Variants in PAK5 observed in about 807,000 individuals in gnomAD.
PAK5 encodes p21 (RAC1) activated kinase 5.
In PAK5, 16 loss-of-function variants were observed where a neutral mutation model predicts 65.9. The observed-to-expected ratio is 0.24, with a 90% confidence interval of 0.16 to 0.37. The LOEUF is 0.37. Ranked by LOEUF, PAK5 falls within the 10% of genes least tolerant of loss-of-function variation. The pLI, the probability that PAK5 is intolerant of heterozygous loss-of-function variation, is 1.00. For synonymous variants in PAK5, 371 were observed against 354.9 expected (o/e 1.05, Z -0.51); for missense variants, 785 against 903.9 (o/e 0.87, Z 1.69).
At chr20:9,677,849 T>A (rs78885012) in intron 2 of PAK5, among the ~76,000 whole-genome samples, 1 of 152,226 alleles carries the variant, frequency 6.6e-6, no homozygotes, top group Non-Finnish European at 1.5e-5. Context: ...TTTATGCTCA[T>A]CACCACTTAA....
intron 1 of PAK5, among the ~76,000 whole-genome samples, chr20:9,765,973 C>T (rs1043753381): frequency 6.6e-6 from 1 of 152,086 alleles, no homozygotes; most frequent in Non-Finnish European, 1.5e-5. Flanking sequence ...CCTGTAATCC[C>T]AGCACTTTGG....
At chr20:9,611,952 CT>C (rs2046568892) in intron 3 of PAK5, among the ~76,000 whole-genome samples, 1 of 152,268 alleles carries the variant, frequency 6.6e-6, no homozygotes, top group Non-Finnish European at 1.5e-5. Flanking sequence ...TCCATAAATT[CT>C]TTGTGCAGGA....
intron 3 of PAK5, among the ~76,000 whole-genome samples, chr20:9,595,897 G>T (rs2046255065): frequency 2.0e-5 from 3 of 150,574 alleles, no homozygotes. Flanking sequence ...ACTCCCCAGA[G>T]GCTTGAAAAA....
chr20:9,772,523 G>C (rs1331484288), intron 1 of PAK5, among the ~76,000 whole-genome samples: 1 of 152,190 alleles, frequency 6.6e-6, no homozygotes, highest in African/African-American at 2.4e-5. Flanking sequence ...AAACGCCCCA[G>C]TCTCCTTGTG....
At chr20:9,663,193 G>A (rs894804866) in intron 2 of PAK5, among the ~76,000 whole-genome samples, 1 of 152,142 alleles carries the variant, frequency 6.6e-6, no homozygotes, top group Non-Finnish European at 1.5e-5. Context: ...AAAATCTGAT[G>A]TGGTTTGGGG....
chr20:9,604,338 G>GT (rs1312657899), intron 3 of PAK5, among the ~76,000 whole-genome samples: 1 of 152,216 alleles, frequency 6.6e-6, no homozygotes, highest in Non-Finnish European at 1.5e-5. Flanking sequence ...AGCAATTGCG[G>GT]TTTTCCTGCC....
intron 1 of PAK5, among the ~76,000 whole-genome samples, chr20:9,755,482 C>G (rs566482365): frequency 6.6e-6 from 1 of 152,258 alleles, no homozygotes; most frequent in Non-Finnish European, 1.5e-5. Context: ...CAGTCTTTGA[C>G]CTGCCCTGCT....
chr20:9,659,929 T>A (rs2047321578), intron 2 of PAK5, among the ~76,000 whole-genome samples: 1 of 152,162 alleles, frequency 6.6e-6, no homozygotes, highest in Admixed American at 6.5e-5. Context: ...TCTCTTCATA[T>A]TTGCTTCTCT....
At position 9,739,561 on chromosome 20, in the gene PAK5, A is replaced by G. The variant is rs73895974; in HGVS notation, c.-161-28126T>C. ...GACAGTGCCATTTTTAATTTATGCT[A>G]TACTTTCTTTTGATTTTTAAATAGT... On this transcript the variant is annotated intron_variant, in intron 1 of 9. Coordinates refer to ENST00000353224, the MANE Select transcript of PAK5 (RefSeq NM_177990.4). Among the ~76,000 whole-genome samples, 833 of 152,214 alleles carry G rather than the reference A, an allele frequency of 5.5e-3. 15 individuals carry two copies. Among genetic ancestry groups the G allele is most frequent in the African/African-American group, 0.019 (792 of 41,572 alleles).
intron 1 of PAK5, among the ~76,000 whole-genome samples, chr20:9,789,482 CCATTAAGCCATTCTTTTCTAATTTTT>C (rs1401510798): frequency 6.6e-6 from 1 of 152,124 alleles, no homozygotes; most frequent in East Asian, 1.9e-4. Flanking sequence ...AAAAAAGTTT[CCATTAAGCCATTCTTTTCTAATTTTT>C]CTAAAAACAT....
At chr20:9,714,582 T>G (rs1255622968) in intron 1 of PAK5, among the ~76,000 whole-genome samples, 1 of 152,158 alleles carries the variant, frequency 6.6e-6, no homozygotes, top group African/African-American at 2.4e-5. Flanking sequence ...TATTTTAAAA[T>G]GGTTACCCTT....
intron 1 of PAK5, among the ~76,000 whole-genome samples, chr20:9,755,930 C>G (rs1038522706): frequency 1.3e-5 from 2 of 152,158 alleles, no homozygotes; most frequent in Non-Finnish European, 1.5e-5. Context: ...CTTCATGGCT[C>G]TTATATATGG....
At chr20:9,646,065 A>G (rs2047130603) in intron 2 of PAK5, among the ~76,000 whole-genome samples, 1 of 152,218 alleles carries the variant, frequency 6.6e-6, no homozygotes, top group African/African-American at 2.4e-5. Flanking sequence ...GGCTCACAAA[A>G]TATTTGTTGA....
intron 6 of PAK5, 28 bp downstream of exon 6, chr20:9,562,863 G>A (rs368818184): frequency 1.3e-4 from 207 of 1,598,934 alleles, no homozygotes; most frequent in Non-Finnish European, 1.7e-4. Flanking sequence ...GAAGCACCTC[G>A]AATTCTCTGG....
chr20:9,817,507 T>C (rs1289603403), intron 1 of PAK5, among the ~76,000 whole-genome samples: 1 of 152,188 alleles, frequency 6.6e-6, no homozygotes, highest in African/African-American at 2.4e-5. Flanking sequence ...CGGGGAAAGA[T>C]ATCTTACTGG....
intron 7 of PAK5, among the ~76,000 whole-genome samples, chr20:9,553,392 T>C (rs1410381098): frequency 6.6e-6 from 1 of 152,098 alleles, no homozygotes; most frequent in Non-Finnish European, 1.5e-5. Flanking sequence ...GTAATGGCAA[T>C]TACTTTTGCA....
chr20:9,757,954 T>C lies in PAK5; in HGVS notation c.-161-46519A>G, dbSNP rs118021869. Among the ~76,000 whole-genome samples the C allele has an allele frequency of 3.0e-3, 453 of 152,300 alleles. 1 individual carries two copies. The highest frequency in any genetic ancestry group is 4.9e-3 in the Non-Finnish European group (333 of 68,014). On this transcript the variant is annotated intron_variant, in intron 1 of 9. Transcript: ENST00000353224. ...GTGACAAGAACAATCAAATGTTGAA[T>C]TCGGGCACAGACAAAAGTAAATATG...
chr20:9,545,109 C>T (rs1421336421), intron 7 of PAK5, among the ~76,000 whole-genome samples: 1 of 152,144 alleles, frequency 6.6e-6, no homozygotes, highest in Non-Finnish European at 1.5e-5. Context: ...AACATCAATG[C>T]AAGTGGAAAC....
chr20:9,554,946 T>C (rs2045484038), intron 7 of PAK5, among the ~76,000 whole-genome samples: 1 of 152,200 alleles, frequency 6.6e-6, no homozygotes, highest in Non-Finnish European at 1.5e-5. Context: ...AGGGATCTTC[T>C]GACCAGCCTC....
Sources: allele counts gnomAD v4.1 joint callset (sites outside exome capture counted in the v4.1 genomes callset), GRCh38; gene constraint gnomAD v4.1.1; transcripts MANE v1.5; gene names NCBI Gene and HGNC (gene_info 2026-07-23, HGNC 2026-07-21).